PNLDC1: variants seen among roughly 807,000 people sequenced by gnomAD.
PNLDC1 encodes the protein PARN like ribonuclease domain containing exonuclease 1.
A neutral mutation model predicts 82.0 loss-of-function variants in PNLDC1; 70 were observed. The observed-to-expected ratio is 0.85, with a 90% confidence interval of 0.70 to 1.04. The LOEUF (loss-of-function observed/expected upper bound fraction) is 1.04. PNLDC1 is among the 50% of genes least tolerant of loss of function. The probability of loss-of-function intolerance (pLI) is 0.00; values close to 1 mark genes in which losing one functional copy is unlikely to be tolerated. For missense variants in PNLDC1, 631 were observed against 661.1 expected (o/e 0.95, Z 0.50); for synonymous variants, 280 against 249.3 (o/e 1.12, Z -1.16).
Position 159,816,460 on chromosome 6 carries a change from A to G in PNLDC1, c.1061-83A>G, listed in dbSNP as rs1056294199. The G allele has an allele frequency of 2.3e-6, 3 of 1,283,600 alleles. No homozygotes were observed. In the South Asian group the frequency reaches 3.5e-5, roughly 15 times the overall value. The allele number at this position is 1,283,600 out of a possible 1,614,324, so 79.5% of individuals were successfully genotyped here. A position where few individuals can be genotyped will look rare whatever the true frequency, so the allele number is the denominator to read the frequency against. On this transcript the variant is annotated intron_variant, in intron 13 of 18. Transcript: ENST00000392167. ...GACCATGGGAGGTTGTATGAGCTGC[A>G]GCCACTGTGGATGGTGAGCTAGGAT...
intron 10 of PNLDC1, among the ~76,000 whole-genome samples, chr6:159,811,413 C>T (rs1781640460): frequency 6.6e-6 from 1 of 152,106 alleles, no homozygotes; most frequent in African/African-American, 2.4e-5. Flanking sequence ...ATTTTTAAGT[C>T]TTATCCCATC....
In PNLDC1 at chr6:159,818,504, G is replaced by A. The variant is rs1295541021; in HGVS notation, c.1158-51G>A. 3.3e-6 allele frequency: 5 copies of A among 1,519,434 alleles called. No individual in the cohort carries two copies. In the Admixed American group the frequency reaches 6.7e-5, roughly 20 times the overall value. 94.1% of individuals were successfully genotyped at this position (1,519,434 alleles called of 1,614,324 possible). A position where few individuals can be genotyped will look rare whatever the true frequency, so the allele number is the denominator to read the frequency against. Reference sequence around the variant, plus strand: ...CGGATTCTTGGCTGTGGCCGAGGAAGTGGATGAACTTCTGTGCGCCCGACA... The same window carrying A: ...CGGATTCTTGGCTGTGGCCGAGGAAATGGATGAACTTCTGTGCGCCCGACA... On this transcript the variant is annotated intron_variant, in intron 15 of 18. Transcript: ENST00000392167.
upstream of PNLDC1, chr6:159,800,261 TGGGCAGCAC>T: frequency 1.3e-6 from 2 of 1,513,216 alleles, no homozygotes; most frequent in Non-Finnish European, 8.9e-7. Context: ...GGGCAGCACG[TGGGCAGCAC>T]GTGATAGCGC....
Position 159,800,401 on chromosome 6 carries a change from C to T in PNLDC1, c.76+18C>T. 1 of 1,546,584 alleles carries T rather than the reference C, an allele frequency of 6.5e-7. No homozygotes were observed. Among genetic ancestry groups the T allele is most frequent in the African/African-American group, 1.4e-5 (1 of 73,092 alleles). ...CTTCGTGGGTGAAGAGCCTGGGATT[C>T]GCGGCTGTGCCGGACAGAGCCCCTT... On this transcript the variant is annotated intron_variant, in intron 1 of 18. Transcript: ENST00000392167.
intron 9 of PNLDC1, 65 bp from the exon 10 acceptor site, chr6:159,809,961 G>A: frequency 7.5e-7 from 1 of 1,336,568 alleles, no homozygotes; most frequent in Non-Finnish European, 1.1e-6. Context: ...GCAAGAAACT[G>A]TTAGTCTGTA....
chr6:159,802,096 C>T (rs1781280627), intron 3 of PNLDC1, among the ~76,000 whole-genome samples: 1 of 152,202 alleles, frequency 6.6e-6, no homozygotes. Flanking sequence ...CCATGTTGGC[C>T]AGGCTGGTCA....
At chr6:159,804,416 A>G in intron 5 of PNLDC1, 133 bp from the exon 6 acceptor site, 2 of 683,864 alleles carry the variant, frequency 2.9e-6, no homozygotes, top group South Asian at 3.8e-5. Flanking sequence ...GGAATGTCTT[A>G]CAAGTGATCT....
rs769553645 is a variant in PNLDC1, at chr6:159,820,496, C to T, written c.1575C>T (p.Ile525=). 8 of 1,614,168 alleles carry T rather than the reference C, an allele frequency of 5.0e-6. No individual in the cohort carries two copies. The highest frequency in any genetic ancestry group is 6.8e-6 in the Non-Finnish European group (8 of 1,180,050). The change falls in exon 19 of 19, where the codon ATC becomes ATT. Residue 525 remains isoleucine, a synonymous_variant. Transcript: ENST00000392167. ...IVTAWALLAF[I]LGRSGT ...CTGCCTGGGCCCTTCTCGCGTTCAT[C>T]CTTGGAAGATCTGGTACCTGAGTGC... is the stretch of plus-strand genomic sequence containing the variant.
chr6:159,820,151 A>G (rs1781989381), intron 18 of PNLDC1, among the ~76,000 whole-genome samples: 1 of 152,174 alleles, frequency 6.6e-6, no homozygotes, highest in Non-Finnish European at 1.5e-5. Context: ...GGAAAGGCAG[A>G]GTTGCTGTCA....
In PNLDC1 at chr6:159,819,267, C is replaced by G. The variant is rs1311401887; in HGVS notation, c.1447C>G (p.Leu483Val). 6.2e-7 allele frequency: 1 copy of G among 1,613,820 alleles called. No individual in the cohort carries two copies. The highest frequency in any genetic ancestry group is 1.3e-5 in the African/African-American group (1 of 74,922). The change falls in exon 18 of 19, where the codon CTG (leucine) becomes GTG (valine). Residue 483 changes from leucine to valine, a missense_variant. Coordinates refer to ENST00000392167, the MANE Select transcript of PNLDC1 (RefSeq NM_001271862.2). This position sits in a 1 kb window ranked among gnomAD's most constrained non-coding sequence, Gnocchi z 4.6. Reference protein sequence around the residue: ...TNKFKDARNILKEYRDHPTLC... With the variant: ...TNKFKDARNIVKEYRDHPTLC... ...TTGTTTTGGCAGTGCGCGGAACATC[C>G]TGAAGGAGTACCGGGACCACCCGAC...
intron 4 of PNLDC1, among the ~76,000 whole-genome samples, chr6:159,803,565 T>C (rs891046215): frequency 1.3e-5 from 2 of 152,226 alleles, no homozygotes; most frequent in South Asian, 2.1e-4. Context: ...TTGTCTCCAG[T>C]GTGCACCTAT....
In PNLDC1 at chr6:159,817,087, TTCTG is replaced by T. The variant is rs764569577; in HGVS notation, c.1115-18_1115-15del. The T allele has an allele frequency of 2.5e-6, 4 of 1,604,810 alleles. No individual in the cohort carries two copies. The highest frequency in any genetic ancestry group is 2.2e-5 in the East Asian group (1 of 44,862). On this transcript the variant is annotated intron_variant, in intron 14 of 18. Transcript: ENST00000392167. ...CACATTTTGATAAGCTCTATTGCAT[TTCTG>T]TCTTTTTTCCTTCCTAGTTCTTTTG...
At chr6:159,812,582 C>T (rs948688558) in intron 11 of PNLDC1, among the ~76,000 whole-genome samples, 10 of 152,182 alleles carry the variant, frequency 6.6e-5, no homozygotes, top group African/African-American at 2.2e-4. Context: ...TGCTGATAGC[C>T]AGGCTGCACT....
Position 159,811,654 on chromosome 6 carries a change from T to G in PNLDC1, c.854-47T>G, listed in dbSNP as rs1171203683. Reference sequence around the variant, plus strand: ...GTTCAAGAATGTTCCTTCCCATTTTTGCCAACAAACAAATTCACTCTTGAC... The same window carrying G: ...GTTCAAGAATGTTCCTTCCCATTTTGGCCAACAAACAAATTCACTCTTGAC... On this transcript the variant is annotated intron_variant, in intron 10 of 18. Transcript: ENST00000392167. The G allele has an allele frequency of 1.6e-5, 23 of 1,480,954 alleles. No individual in the cohort carries two copies. In the East Asian group the frequency reaches 5.2e-4, roughly 33 times the overall value. 91.7% of individuals were successfully genotyped at this position (1,480,954 alleles called of 1,614,324 possible).
At chr6:159,820,424 C>A in intron 18 of PNLDC1, 30 bp from the exon 19 acceptor site, 1 of 1,612,690 alleles carries the variant, frequency 6.2e-7, no homozygotes, top group Non-Finnish European at 8.5e-7. Context: ...CTGGGTGCCC[C>A]GGCCACTGAC....
In PNLDC1 at chr6:159,819,463, C is replaced by T. The variant is rs527348367; in HGVS notation, c.1532+111C>T. The stretch of plus-strand genomic sequence containing the variant: ...ACAGCTCACTTGCTGGTGTGTGTTG[C>T]CAAGGGGGTTGTGTTGACGAGTGTG... On this transcript the variant is annotated intron_variant, in intron 18 of 18. Coordinates refer to ENST00000392167, the MANE Select transcript of PNLDC1 (RefSeq NM_001271862.2). The surrounding 1 kb of genome is among the most constrained non-coding windows in gnomAD (Gnocchi z 4.6). 1 of 936,788 alleles carries T rather than the reference C, an allele frequency of 1.1e-6. No homozygotes were observed. The highest frequency in any genetic ancestry group is 2.6e-5 in the East Asian group (1 of 38,118). The allele number at this position is 936,788 out of a possible 1,614,324, so 58.0% of individuals were successfully genotyped here. A position where few individuals can be genotyped will look rare whatever the true frequency, so the allele number is the denominator to read the frequency against.
At chr6:159,813,466 A>G (rs2115049741) in intron 11 of PNLDC1, 135 bp from the exon 12 acceptor site, 4 of 754,036 alleles carry the variant, frequency 5.3e-6, no homozygotes, top group South Asian at 3.2e-5. Context: ...GGATGGTTGC[A>G]CCATTTGAAG....
Position 159,818,556 on chromosome 6 carries a change from A to G in PNLDC1, c.1159A>G (p.Ile387Val). 1 of 1,613,490 alleles carries G rather than the reference A, an allele frequency of 6.2e-7. No homozygotes were observed. The highest frequency in any genetic ancestry group is 1.1e-5 in the South Asian group (1 of 91,082). ...CTTTGGGGTTTTCTGTCCTTGCAGC[A>G]TCGACCCCGTGCCCGAGTCATCCTT... ...AHLLLQKIYH[I>V]DPVPESSFPQ... Residue 387 changes from isoleucine to valine, a missense_variant and splice_region_variant, in exon 16 of 19, where the codon ATC (isoleucine) becomes GTC (valine). Coordinates refer to ENST00000392167, the MANE Select transcript of PNLDC1 (RefSeq NM_001271862.2).
chr6:159,807,047 C>T (rs983357767), intron 7 of PNLDC1, among the ~76,000 whole-genome samples: 1 of 152,126 alleles, frequency 6.6e-6, no homozygotes, highest in African/African-American at 2.4e-5. Context: ...TGCCTGCCAC[C>T]ATGCCCGGCT....
Sources: gnomAD v4.1 joint callset for allele counts (sites outside exome capture counted in the v4.1 genomes callset) on GRCh38, gnomAD v4.1.1 for gene constraint, Gnocchi (gnomAD v3.1) non-coding constraint, MANE v1.5 for transcripts, NCBI Gene and HGNC (gene_info 2026-07-23, HGNC 2026-07-21) for gene names.